GNG12: variants seen among roughly 807,000 people sequenced by gnomAD.
GNG12 encodes guanine nucleotide-binding protein G(I)/G(S)/G(O) subunit gamma-12.
For synonymous variants in GNG12, 28 were observed against 29.7 expected (o/e 0.94, Z 0.19); for missense variants, 69 against 83.8 (o/e 0.82, Z 0.69).
chr1:67,788,144 T>C (rs1167980604), intron 1 of GNG12, among the ~76,000 whole-genome samples: 1 of 152,208 alleles, frequency 6.6e-6, no homozygotes, highest in Non-Finnish European at 1.5e-5. Context: ...TAATTTGCCA[T>C]AATTTACACT....
At chr1:67,717,873 C>T (rs576080498) in intron 2 of GNG12, among the ~76,000 whole-genome samples, 1 of 152,280 alleles carries the variant, frequency 6.6e-6, no homozygotes, top group South Asian at 2.1e-4. Context: ...AATTCAAATC[C>T]CGGCTCATCA....
At chr1:67,761,701 G>C (rs547988435) in intron 2 of GNG12, among the ~76,000 whole-genome samples, 1 of 152,270 alleles carries the variant, frequency 6.6e-6, no homozygotes, top group African/African-American at 2.4e-5. Flanking sequence ...GTATATCCGA[G>C]ATCGGCAAAC....
intron 1 of GNG12, among the ~76,000 whole-genome samples, chr1:67,830,554 A>G (rs965517554): frequency 2.0e-5 from 3 of 152,232 alleles, no homozygotes; most frequent in African/African-American, 7.2e-5. Context: ...TTGGTTAAAG[A>G]TGAATACTTC....
rs759305645 is a variant in GNG12, at chr1:67,702,347, A to G, written c.*3104T>C. On this transcript the variant is annotated 3_prime_UTR_variant, in exon 4 of 4. Coordinates refer to ENST00000370982, the MANE Select transcript of GNG12 (RefSeq NM_018841.6). ...AATTCAGAGGAATTAGTCAGATAAC[A>G]CTATTTTAGTTATAAATTGAGAAGG... 2.6e-5 allele frequency: 4 copies of G among 152,200 alleles called. No individual in the cohort carries two copies. The highest frequency in any genetic ancestry group is 4.4e-5 in the Non-Finnish European group (3 of 68,036). 9.4% of individuals were successfully genotyped at this position (152,200 alleles called of 1,614,324 possible).
chr1:67,804,199 C>T (rs1557623159), intron 1 of GNG12, among the ~76,000 whole-genome samples: 1 of 152,204 alleles, frequency 6.6e-6, no homozygotes, highest in African/African-American at 2.4e-5. Context: ...CAACATGATA[C>T]TATTACTTTC....
intron 1 of GNG12, among the ~76,000 whole-genome samples, chr1:67,820,882 T>C (rs186159491): frequency 1.3e-5 from 2 of 152,340 alleles, no homozygotes; most frequent in Non-Finnish European, 2.9e-5. Flanking sequence ...GTTTAATAAA[T>C]GCATTTAACT....
chr1:67,803,211 A>G (rs141434233), intron 1 of GNG12, among the ~76,000 whole-genome samples: 88 of 140,104 alleles, frequency 6.3e-4, no homozygotes, highest in African/African-American at 2.2e-3. Flanking sequence ...TTAGGGAGAA[A>G]ATTTTAATTT....
chr1:67,737,590 C>T (rs1646459411), intron 2 of GNG12, among the ~76,000 whole-genome samples: 1 of 151,656 alleles, frequency 6.6e-6, no homozygotes, highest in Non-Finnish European at 1.5e-5. Context: ...GTTTCCTCCT[C>T]TTTTCAATAT....
intron 1 of GNG12, among the ~76,000 whole-genome samples, chr1:67,804,336 G>A (rs1465473009): frequency 6.6e-6 from 1 of 152,156 alleles, no homozygotes; most frequent in African/African-American, 2.4e-5. Context: ...TTCTAGTTAT[G>A]AAGACAACTT....
At chr1:67,798,616 T>C (rs1443703252) in intron 1 of GNG12, among the ~76,000 whole-genome samples, 2 of 151,740 alleles carry the variant, frequency 1.3e-5, no homozygotes, top group Non-Finnish European at 2.9e-5. Flanking sequence ...CCAGTGTGAA[T>C]ATGATGAGGA....
intron 2 of GNG12, among the ~76,000 whole-genome samples, chr1:67,736,640 C>T (rs1044775187): frequency 6.6e-6 from 1 of 152,158 alleles, no homozygotes; most frequent in African/African-American, 2.4e-5. Flanking sequence ...GCAGTGACCC[C>T]CTCACAGGGC....
At position 67,737,370 on chromosome 1, in the gene GNG12, A is replaced by G. The variant is rs192922023; in HGVS notation, c.-26-29658T>C. On this transcript the variant is annotated intron_variant, in intron 2 of 3. Coordinates refer to ENST00000370982, the MANE Select transcript of GNG12 (RefSeq NM_018841.6). Reference sequence around the variant, plus strand: ...TATAAATGATTTCTGTTCTAAGGCAATACCTCATTTATTGGCCTGAAGAAA... The same window carrying G: ...TATAAATGATTTCTGTTCTAAGGCAGTACCTCATTTATTGGCCTGAAGAAA... Among the ~76,000 whole-genome samples the G allele has an allele frequency of 3.3e-3, 510 of 152,350 alleles. 7 individuals are homozygous for G. Among genetic ancestry groups the G allele is most frequent in the Non-Finnish European group, 1.7e-3 (113 of 68,028 alleles).
At chr1:67,801,379 G>A (rs1034112696) in intron 1 of GNG12, among the ~76,000 whole-genome samples, 1 of 152,172 alleles carries the variant, frequency 6.6e-6, no homozygotes, top group African/African-American at 2.4e-5. Flanking sequence ...TCTGTTCAAG[G>A]TCACATAGCT....
intron 1 of GNG12, among the ~76,000 whole-genome samples, chr1:67,817,787 C>CTTTT (rs66518207): frequency 1.9e-3 from 201 of 108,234 alleles, no homozygotes; most frequent in East Asian, 2.3e-3. Flanking sequence ...TTCTTTCTTT[C>CTTTT]TTTTTTTTTT....
At chr1:67,763,763 C>T (rs528856128) in intron 2 of GNG12, among the ~76,000 whole-genome samples, 3 of 152,094 alleles carry the variant, frequency 2.0e-5, no homozygotes, top group South Asian at 2.1e-4. Context: ...CCCCCTCCCA[C>T]CCTATGAATT....
intron 1 of GNG12, among the ~76,000 whole-genome samples, chr1:67,792,696 CAGATTTCAATGCCA>C (rs919844613): frequency 2.0e-5 from 3 of 152,130 alleles, no homozygotes; most frequent in African/African-American, 7.2e-5. Flanking sequence ...AAGGCTGGCT[CAGATTTCAATGCCA>C]AGTAGTTTGC....
At chr1:67,739,748 G>A (rs573384062) in intron 2 of GNG12, among the ~76,000 whole-genome samples, 1 of 152,314 alleles carries the variant, frequency 6.6e-6, no homozygotes, top group East Asian at 1.9e-4. Flanking sequence ...TCAGAGCTGG[G>A]CATAAACCAG....
intron 1 of GNG12, among the ~76,000 whole-genome samples, chr1:67,826,202 G>C (rs756210163): frequency 2.5e-4 from 38 of 152,340 alleles, no homozygotes; most frequent in Admixed American, 2.0e-4. Context: ...AAGCAGAGCT[G>C]CTGGTAGCCA....
chr1:67,765,521 AT>A, intron 2 of GNG12, among the ~76,000 whole-genome samples: 1 of 152,380 alleles, frequency 6.6e-6, no homozygotes, highest in South Asian at 2.1e-4. Flanking sequence ...AAGCAGCTGA[AT>A]AATCAACAAA....
Sources: gnomAD v4.1 joint callset for allele counts (sites outside exome capture counted in the v4.1 genomes callset) on GRCh38, gnomAD v4.1.1 for gene constraint, MANE v1.5 for transcripts, NCBI Gene and HGNC (gene_info 2026-07-23, HGNC 2026-07-21) for gene names.